DCDC1: variants seen among roughly 807,000 people sequenced by gnomAD.
The protein encoded by DCDC1 is doublecortin domain-containing protein 1.
Under a neutral mutation model 178.3 loss-of-function variants are expected in DCDC1, and 200 were observed. The observed-to-expected ratio is 1.12, with a 90% CI of 1.00 to 1.26. The LOEUF (loss-of-function observed/expected upper bound fraction) is 1.26, where lower values mean the gene tolerates loss of function less well. DCDC1 is among the 50% of genes most tolerant of loss of function. The pLI is 0.00. For synonymous variants in DCDC1, 690 were observed against 604.8 expected (o/e 1.14, Z -2.07); for missense variants, 1,983 against 1,749.2 (o/e 1.13, Z -2.38).
At chr11:31,085,710 G>A (rs1957432380) in intron 17 of DCDC1, among the ~76,000 whole-genome samples, 1 of 151,392 alleles carries the variant, frequency 6.6e-6, no homozygotes, top group Non-Finnish European at 1.5e-5. Context: ...TTGATTGATT[G>A]ATTGATTGAT....
intron 26 of DCDC1, among the ~76,000 whole-genome samples, chr11:30,916,188 T>C (rs1293179658): frequency 6.6e-6 from 1 of 152,210 alleles, no homozygotes; most frequent in Non-Finnish European, 1.5e-5. Flanking sequence ...AGTCATAGCA[T>C]ATCATAAAAT....
At chr11:31,263,074 C>T in intron 8 of DCDC1, 1 of 1,612,662 alleles carries the variant, frequency 6.2e-7, no homozygotes, top group Non-Finnish European at 8.5e-7. Flanking sequence ...CAGTGCTTTC[C>T]TGTTTTGATA....
intron 7 of DCDC1, among the ~76,000 whole-genome samples, chr11:31,285,793 C>T (rs543739521): frequency 1.2e-3 from 186 of 152,094 alleles, no homozygotes; most frequent in Non-Finnish European, 2.0e-3. Context: ...AAAGTAATTA[C>T]AATGAAATAT....
intron 9 of DCDC1, among the ~76,000 whole-genome samples, chr11:31,200,192 G>C (rs958756084): frequency 9.2e-5 from 14 of 152,004 alleles, no homozygotes; most frequent in Non-Finnish European, 1.8e-4. Context: ...ATTAAGGAAA[G>C]TATCTGTAAT....
chr11:31,107,034 T>C (rs980504121), intron 12 of DCDC1, 74 bp from the exon 13 acceptor site: 1 of 658,652 alleles, frequency 1.5e-6, no homozygotes, highest in African/African-American at 1.8e-5. Flanking sequence ...TGTAATAAAC[T>C]GTCTCTACTC....
chr11:30,864,642 C>A lies in DCDC1; in HGVS notation c.*731G>T, dbSNP rs544627309. ...GGGACTGATGAGTTTTATCAGTGAG[C>A]CCTTGTGGGTAGAGCTCTGTCCCAA... On this transcript the variant is annotated 3_prime_UTR_variant, in exon 39 of 39. Coordinates refer to ENST00000684477, the MANE Select transcript of DCDC1 (RefSeq NM_001387274.1). 2.0e-5 allele frequency: 3 copies of A among 152,306 alleles called. No individual in the cohort carries two copies. In the South Asian group the frequency reaches 6.2e-4, roughly 32 times the overall value. The allele number at this position is 152,306 out of a possible 1,614,324, so 9.4% of individuals were successfully genotyped here.
chr11:31,210,036 C>T (rs539574972), intron 9 of DCDC1, among the ~76,000 whole-genome samples: 9 of 152,144 alleles, frequency 5.9e-5, no homozygotes, highest in Admixed American at 1.3e-4. Context: ...TGCATGTCTA[C>T]CAGTGTCTGC....
chr11:31,215,992 G>A (rs1034729571), intron 9 of DCDC1, among the ~76,000 whole-genome samples: 2 of 152,154 alleles, frequency 1.3e-5, no homozygotes, highest in Non-Finnish European at 2.9e-5. Flanking sequence ...GGAGCATTTA[G>A]GGCAGAATGT....
intron 11 of DCDC1, among the ~76,000 whole-genome samples, chr11:31,116,361 GA>G (rs1959964618): frequency 6.6e-6 from 1 of 151,506 alleles, no homozygotes; most frequent in Admixed American, 6.6e-5. Flanking sequence ...AAATTAAAGT[GA>G]AATATTTTTC....
chr11:30,893,225 T>G (rs915294892), intron 35 of DCDC1, among the ~76,000 whole-genome samples: 5 of 152,198 alleles, frequency 3.3e-5, no homozygotes, highest in African/African-American at 1.2e-4. Context: ...ATAATAATAA[T>G]AAGGCACTCA....
chr11:31,144,334 G>A (rs1442038502), intron 9 of DCDC1, among the ~76,000 whole-genome samples: 1 of 151,882 alleles, frequency 6.6e-6, no homozygotes, highest in Non-Finnish European at 1.5e-5. Context: ...GTAGAGACGG[G>A]GTTTCACCAT....
At chr11:30,926,491 C>G (rs1347937896) in intron 22 of DCDC1, among the ~76,000 whole-genome samples, 1 of 152,090 alleles carries the variant, frequency 6.6e-6, no homozygotes, top group Non-Finnish European at 1.5e-5. Flanking sequence ...GGAGCCTAGA[C>G]AGCAAGCTTT....
intron 24 of DCDC1, among the ~76,000 whole-genome samples, chr11:30,922,203 T>C (rs1159156393): frequency 1.3e-5 from 2 of 152,192 alleles, no homozygotes; most frequent in Non-Finnish European, 2.9e-5. Flanking sequence ...CTAAAGGGAC[T>C]AATTAAATTA....
chr11:31,314,615 C>A (rs1320640561), intron 3 of DCDC1: 3 of 152,158 alleles, frequency 2.0e-5, no homozygotes, highest in Non-Finnish European at 4.4e-5. Context: ...TTCTTGACTG[C>A]TATAGAACTT....
chr11:30,937,967 C>T (rs575591013), intron 21 of DCDC1, among the ~76,000 whole-genome samples: 1 of 152,220 alleles, frequency 6.6e-6, no homozygotes, highest in African/African-American at 2.4e-5. Context: ...TCCTCCACAT[C>T]CCTTTGTCAC....
At chr11:31,224,372 C>A (rs1974656618) in intron 9 of DCDC1, among the ~76,000 whole-genome samples, 1 of 151,846 alleles carries the variant, frequency 6.6e-6, no homozygotes. Flanking sequence ...CAAGATGGAT[C>A]AACGATCAAA....
chr11:30,953,680 T>C (rs984505562), intron 20 of DCDC1, among the ~76,000 whole-genome samples: 2 of 152,150 alleles, frequency 1.3e-5, no homozygotes, highest in Non-Finnish European at 2.9e-5. Context: ...TTGGCAGTTC[T>C]TCAGAAAGTC....
In DCDC1 at chr11:31,241,491, G is replaced by A. The variant is rs868268865; in HGVS notation, c.1180C>T (p.Leu394=). The change falls in exon 9 of 39, where the codon CTG becomes TTG. Residue 394 remains leucine, a synonymous_variant. Transcript: ENST00000684477. ...KMYIQGVLLA[L]YQRLKSAKKY... is the part of the protein sequence containing the mutation. ...TTTGCAGACTTTAATCGTTGGTACAGGGCCAAAAGAACTCCTTGGATGTAC... is the reference window on the plus strand; with the variant it reads ...TTTGCAGACTTTAATCGTTGGTACAAGGCCAAAAGAACTCCTTGGATGTAC... 1.0e-5 allele frequency: 4 copies of A among 397,396 alleles called. No homozygotes were observed. The highest frequency in any genetic ancestry group is 6.4e-4 in the Middle Eastern group (1 of 1,574). 24.6% of individuals were successfully genotyped at this position (397,396 alleles called of 1,614,324 possible).
chr11:31,139,908 G>T (rs1304988130), intron 9 of DCDC1, among the ~76,000 whole-genome samples: 2 of 152,094 alleles, frequency 1.3e-5, no homozygotes, highest in Non-Finnish European at 2.9e-5. Flanking sequence ...AGAAATAAAT[G>T]GTCATCAAAA....
Sources: gnomAD v4.1 joint callset for allele counts (sites outside exome capture counted in the v4.1 genomes callset) on GRCh38, gnomAD v4.1.1 for gene constraint, MANE v1.5 for transcripts, NCBI Gene and HGNC (gene_info 2026-07-23, HGNC 2026-07-21) for gene names.